Variants in AUH observed in about 807,000 individuals in gnomAD.
The protein encoded by AUH is AU RNA binding methylglutaconyl-CoA hydratase, also known as methylglutaconyl-CoA hydratase, mitochondrial.
A neutral mutation model predicts 42.3 loss-of-function variants in AUH; 29 were observed. That is an observed-to-expected ratio of 0.69 (90% CI 0.51 to 0.93). AUH has a LOEUF of 0.93. Ranked by LOEUF, AUH falls within the 40% of genes least tolerant of loss-of-function variation. AUH has a pLI of 0.00. For missense variants in AUH, 452 were observed against 438.1 expected, an observed-to-expected ratio of 1.03 and a Z score of -0.28; for synonymous variants, 174 against 166.4, an observed-to-expected ratio of 1.05 and a Z score of -0.35.
intron 3 of AUH, among the ~76,000 whole-genome samples, chr9:91,348,085 A>C (rs189093404): frequency 2.7e-3 from 411 of 152,150 alleles, no homozygotes; most frequent in African/African-American, 9.2e-3. Flanking sequence ...AAAAAACAAA[A>C]AAAAAACCTT....
chr9:91,332,240 G>T (rs117619025), intron 3 of AUH, among the ~76,000 whole-genome samples: 2 of 152,176 alleles, frequency 1.3e-5, no homozygotes, highest in Non-Finnish European at 2.9e-5. Context: ...GGTGGCTCAC[G>T]CCTGGAATCA....
At chr9:91,231,731 C>A (rs1260173110) in intron 6 of AUH, among the ~76,000 whole-genome samples, 3 of 152,148 alleles carry the variant, frequency 2.0e-5, no homozygotes, top group Admixed American at 2.0e-4. Flanking sequence ...TCACACTGTC[C>A]ATCCCAACAG....
chr9:91,274,498 G>T (rs1825396263), intron 6 of AUH, among the ~76,000 whole-genome samples: 1 of 152,112 alleles, frequency 6.6e-6, no homozygotes, highest in South Asian at 2.1e-4. Flanking sequence ...AAATCCTTTA[G>T]GATTTTACAA....
At chr9:91,267,853 C>T (rs1270033622) in intron 6 of AUH, among the ~76,000 whole-genome samples, 1 of 152,202 alleles carries the variant, frequency 6.6e-6, no homozygotes, top group Admixed American at 6.5e-5. Context: ...CCTAACACTA[C>T]TACCACCTTT....
intron 6 of AUH, among the ~76,000 whole-genome samples, chr9:91,237,513 T>C (rs114172160): frequency 6.6e-6 from 1 of 152,246 alleles, no homozygotes; most frequent in African/African-American, 2.4e-5. Context: ...CTCTTTTCAT[T>C]TATTCACTAG....
In AUH at chr9:91,225,509, C is replaced by A. The variant is rs549536471; in HGVS notation, c.656-4517G>T. Among the ~76,000 whole-genome samples the A allele has an allele frequency of 2.6e-5, 4 of 152,198 alleles. No homozygotes were observed. The South Asian group carries it at 8.3e-4, about 32-fold the overall frequency. ...ATAATCTGCTAGTTCCCTTAGGCATCTGAATTCAGGATTCCTAAAGTGCCA... is the reference window on the plus strand; with the variant it reads ...ATAATCTGCTAGTTCCCTTAGGCATATGAATTCAGGATTCCTAAAGTGCCA... On this transcript the variant is annotated intron_variant, in intron 6 of 9. Coordinates refer to ENST00000375731, the MANE Select transcript of AUH (RefSeq NM_001698.3).
At chr9:91,264,708 G>A (rs1829879364) in intron 6 of AUH, among the ~76,000 whole-genome samples, 1 of 152,158 alleles carries the variant, frequency 6.6e-6, no homozygotes, top group Non-Finnish European at 1.5e-5. Context: ...CTTGAGCCCA[G>A]GAGTTTGAGA....
At chr9:91,331,784 A>G (rs1287181782) in intron 3 of AUH, among the ~76,000 whole-genome samples, 1 of 152,210 alleles carries the variant, frequency 6.6e-6, no homozygotes, top group Non-Finnish European at 1.5e-5. Flanking sequence ...AACTACTCCA[A>G]TGAACTTTAG....
chr9:91,338,018 C>T (rs1260332495), intron 3 of AUH, among the ~76,000 whole-genome samples: 1 of 152,098 alleles, frequency 6.6e-6, no homozygotes, highest in Non-Finnish European at 1.5e-5. Context: ...TCATCCAGAA[C>T]CTGCACCCAC....
At chr9:91,218,955 G>C in intron 7 of AUH, 1 of 985,244 alleles carries the variant, frequency 1.0e-6, no homozygotes, top group Non-Finnish European at 1.2e-6. Flanking sequence ...TTATTTGTTT[G>C]ACCTGGAGGA....
chr9:91,280,431 G>C (rs568048754), intron 6 of AUH, among the ~76,000 whole-genome samples: 88 of 152,138 alleles, frequency 5.8e-4, no homozygotes, highest in Admixed American at 1.0e-3. Flanking sequence ...TTTTCTAAGA[G>C]AGCAAGTTAC....
intron 6 of AUH, among the ~76,000 whole-genome samples, chr9:91,257,020 G>A (rs745365974): frequency 3.3e-5 from 5 of 152,068 alleles, no homozygotes; most frequent in African/African-American, 4.8e-5. Flanking sequence ...TCTGCCACCC[G>A]CTGGGTGTTG....
At chr9:91,298,294 A>G (rs1404006443) in intron 4 of AUH, among the ~76,000 whole-genome samples, 1 of 152,208 alleles carries the variant, frequency 6.6e-6, no homozygotes, top group Non-Finnish European at 1.5e-5. Context: ...TATGTGCAAT[A>G]TCTTTAAATC....
At chr9:91,248,707 C>G (rs1828937726) in intron 6 of AUH, among the ~76,000 whole-genome samples, 1 of 152,152 alleles carries the variant, frequency 6.6e-6, no homozygotes, top group South Asian at 2.1e-4. Context: ...TTCCTGGAAA[C>G]TGGGACTTCA....
At chr9:91,351,545 A>G (rs1831985498) in intron 3 of AUH, among the ~76,000 whole-genome samples, 1 of 152,250 alleles carries the variant, frequency 6.6e-6, no homozygotes, top group Non-Finnish European at 1.5e-5. Flanking sequence ...GTATATATAC[A>G]CAAACCTAGA....
chr9:91,226,137 CA>C (rs1296043583), intron 6 of AUH, among the ~76,000 whole-genome samples: 3 of 150,078 alleles, frequency 2.0e-5, no homozygotes, highest in Non-Finnish European at 4.4e-5. Flanking sequence ...CTGACTTCCA[CA>C]ATGGTTGAAC....
intron 7 of AUH, chr9:91,218,679 CCTT>C (rs1826961696): frequency 1.0e-6 from 1 of 985,316 alleles, no homozygotes; most frequent in Non-Finnish European, 1.2e-6. Context: ...TTTGTTTCCT[CCTT>C]AAAACATTTC....
chr9:91,245,673 G>C (rs1349201975), intron 6 of AUH, among the ~76,000 whole-genome samples: 1 of 152,150 alleles, frequency 6.6e-6, no homozygotes, highest in Admixed American at 6.5e-5. Context: ...GGTGCCAAGT[G>C]ACTTATGGGC....
At chr9:91,229,971 T>C (rs1773709805) in intron 6 of AUH, among the ~76,000 whole-genome samples, 1 of 152,074 alleles carries the variant, frequency 6.6e-6, no homozygotes, top group Admixed American at 6.6e-5. Context: ...CCGACCTTTC[T>C]CTCTGGCTGC....
Sources: gnomAD v4.1 joint callset for allele counts (sites outside exome capture counted in the v4.1 genomes callset) on GRCh38, gnomAD v4.1.1 for gene constraint, MANE v1.5 for transcripts, NCBI Gene and HGNC (gene_info 2026-07-23, HGNC 2026-07-21) for gene names.